The following ARHGAP8 variants were observed in gnomAD, a reference collection of about 807,000 sequenced individuals.
ARHGAP8 encodes rho GTPase-activating protein 8.
ARHGAP8 carries 62 observed loss-of-function variants against 46.1 expected under a neutral mutation model. The observed-to-expected ratio is 1.34, with a 90% CI of 1.10 to 1.66. The LOEUF is 1.66. Ranked by LOEUF, ARHGAP8 falls within the 40% of genes most tolerant of loss-of-function variation. ARHGAP8 has a pLI of 0.00. For missense variants in ARHGAP8, 923 were observed against 568.4 expected, an observed-to-expected ratio of 1.62 and a Z score of -6.34; for synonymous variants, 375 against 243.1, an observed-to-expected ratio of 1.54 and a Z score of -5.05.
At chr22:44,780,494 C>A (rs578172339) in intron 1 of ARHGAP8, among the ~76,000 whole-genome samples, 35 of 152,236 alleles carry the variant, frequency 2.3e-4, no homozygotes, top group African/African-American at 7.5e-4. Context: ...AAACCCATAT[C>A]TATTAAAAAC....
At chr22:44,763,658 G>A (rs966216017) in intron 1 of ARHGAP8, among the ~76,000 whole-genome samples, 1 of 152,052 alleles carries the variant, frequency 6.6e-6, no homozygotes, top group African/African-American at 2.4e-5. Flanking sequence ...TGTAGATCAG[G>A]GTATTGAAAT....
chr22:44,818,915 A>G (rs1167678698), intron 5 of ARHGAP8, among the ~76,000 whole-genome samples: 2 of 152,020 alleles, frequency 1.3e-5, no homozygotes, highest in Non-Finnish European at 2.9e-5. Context: ...CCCAGGCTGG[A>G]CTGGAACTCC....
At chr22:44,860,861 G>T (rs899741687) in intron 11 of ARHGAP8, among the ~76,000 whole-genome samples, 1 of 152,242 alleles carries the variant, frequency 6.6e-6, no homozygotes, top group Admixed American at 6.5e-5. Context: ...GCCCCAGGCT[G>T]TGCAGGGTGA....
chr22:44,825,336 T>A (rs1014061902), intron 6 of ARHGAP8, 147 bp from the exon 7 acceptor site: 1 of 709,310 alleles, frequency 1.4e-6, no homozygotes, highest in African/African-American at 1.8e-5. Context: ...TATGTGAGTG[T>A]GTGTGTGAGC....
intron 1 of ARHGAP8, among the ~76,000 whole-genome samples, chr22:44,772,953 G>T (rs1926150246): frequency 6.6e-6 from 1 of 151,828 alleles, no homozygotes; most frequent in Non-Finnish European, 1.5e-5. Flanking sequence ...CAAGTAGCTG[G>T]AACTACAAGT....
intron 7 of ARHGAP8, among the ~76,000 whole-genome samples, chr22:44,836,380 A>G (rs1931288627): frequency 6.6e-6 from 1 of 151,838 alleles, no homozygotes; most frequent in Non-Finnish European, 1.5e-5. Flanking sequence ...GAACCCAGGT[A>G]TAATGAGGAC....
intron 7 of ARHGAP8, among the ~76,000 whole-genome samples, chr22:44,839,510 A>G (rs2147148338): frequency 6.6e-6 from 1 of 152,324 alleles, no homozygotes; most frequent in Non-Finnish European, 1.5e-5. Flanking sequence ...AAATCATCTG[A>G]CATAGAGACG....
In ARHGAP8 at chr22:44,859,836, TGAGTGGGG is replaced by T; in HGVS notation, c.981+3_981+10del. ...TACCTCATGGGCTTCCTGCATGCGG[TGAGTGGGG>T]AAGGGGGGAGCTTGGGGTGAAGCCC... is the stretch of plus-strand genomic sequence containing the variant. On this transcript the variant is annotated splice_donor_5th_base_variant and intron_variant, in intron 11 of 11. Transcript: ENST00000356099. 1 of 1,613,256 alleles carries T rather than the reference TGAGTGGGG, an allele frequency of 6.2e-7. No homozygotes were observed. The highest frequency in any genetic ancestry group is 8.5e-7 in the Non-Finnish European group (1 of 1,179,668).
At chr22:44,771,692 T>C (rs1926018422) in intron 1 of ARHGAP8, among the ~76,000 whole-genome samples, 1 of 150,360 alleles carries the variant, frequency 6.7e-6, no homozygotes, top group South Asian at 2.1e-4. Flanking sequence ...GTAGCTGGGA[T>C]TACAGGCACC....
intron 2 of ARHGAP8, among the ~76,000 whole-genome samples, chr22:44,799,583 G>A (rs558955017): frequency 1.3e-4 from 20 of 152,228 alleles, no homozygotes; most frequent in African/African-American, 3.6e-4. Context: ...AGGGATCTCC[G>A]TGTTCCCCAC....
intron 4 of ARHGAP8, among the ~76,000 whole-genome samples, chr22:44,812,955 G>A (rs778069988): frequency 6.6e-6 from 1 of 152,102 alleles, no homozygotes; most frequent in Non-Finnish European, 1.5e-5. Context: ...ATTTGCCCAT[G>A]TGGGTGCCGT....
At position 44,798,725 on chromosome 22, in the gene ARHGAP8, C is replaced by G. The variant is rs373959466; in HGVS notation, c.80-3352C>G. Among the ~76,000 whole-genome samples the G allele has an allele frequency of 8.5e-5, 13 of 152,150 alleles. No homozygotes were observed. In the South Asian group the frequency reaches 2.3e-3, roughly 27 times the overall value. ...CTTGTCCAGGGCAGCCCCCACCGTG[C>G]GTGACTGCTGGACACCTGAAATGTG... On this transcript the variant is annotated intron_variant, in intron 2 of 11. Coordinates refer to ENST00000356099, the MANE Select transcript of ARHGAP8 (RefSeq NM_181335.3).
intron 3 of ARHGAP8, 140 bp from the exon 4 acceptor site, chr22:44,808,167 G>T: frequency 7.6e-7 from 1 of 1,313,880 alleles, no homozygotes; most frequent in East Asian, 2.5e-5. Context: ...TGAGGACCGG[G>T]GCCCACGGTG....
intron 7 of ARHGAP8, among the ~76,000 whole-genome samples, chr22:44,834,591 T>C (rs1931162142): frequency 6.6e-6 from 1 of 152,172 alleles, no homozygotes; most frequent in Non-Finnish European, 1.5e-5. Flanking sequence ...TATTGTTGGG[T>C]GGAGTGCTCT....
rs1223857467 is a variant in ARHGAP8, at chr22:44,827,336, G to GGTTTT, written c.596+1743_596+1744insGTTTT. Among the ~76,000 whole-genome samples the GGTTTT allele has an allele frequency of 1.5e-3, 103 of 67,262 alleles. 9 individuals are homozygous for GGTTTT. Among genetic ancestry groups the GGTTTT allele is most frequent in the African/African-American group, 5.9e-3 (101 of 17,068 alleles). 44.1% of individuals were successfully genotyped at this position (67,262 alleles called of 152,430 possible). Reference sequence around the variant, plus strand: ...GGTGAGATAATACATTTGGGTGGTGGTTTTTTTTTTTTTTTTTTTTTTTTT... The same window carrying GGTTTT: ...GGTGAGATAATACATTTGGGTGGTGGGTTTTTTTTTTTTTTTTTTTTTTTTTTTTT... On this transcript the variant is annotated intron_variant, in intron 7 of 11. Coordinates refer to ENST00000356099, the MANE Select transcript of ARHGAP8 (RefSeq NM_181335.3).
chr22:44,831,160 C>A (rs547557533), intron 7 of ARHGAP8, among the ~76,000 whole-genome samples: 2 of 152,190 alleles, frequency 1.3e-5, no homozygotes, highest in Admixed American at 6.5e-5. Flanking sequence ...ATAAAAGTTA[C>A]ATTTTGATGA....
At chr22:44,826,331 G>T (rs149407754) in intron 7 of ARHGAP8, among the ~76,000 whole-genome samples, 1 of 152,174 alleles carries the variant, frequency 6.6e-6, no homozygotes, top group Non-Finnish European at 1.5e-5. Context: ...CATTGTTACC[G>T]CAGCGTAACC....
At chr22:44,813,654 CACACCTAAAT>C (rs1929521127) in intron 4 of ARHGAP8, among the ~76,000 whole-genome samples, 1 of 151,602 alleles carries the variant, frequency 6.6e-6, no homozygotes, top group Admixed American at 6.6e-5. Flanking sequence ...CACACACCCA[CACACCTAAAT>C]ACACCTACAC....
chr22:44,858,369 G>GGT (rs1555922583), intron 10 of ARHGAP8, among the ~76,000 whole-genome samples: 2 of 142,018 alleles, frequency 1.4e-5, no homozygotes, highest in African/African-American at 5.3e-5. Flanking sequence ...GTTGGTGGTG[G>GGT]TTTTTTTTTT....
Sources: allele counts gnomAD v4.1 joint callset (sites outside exome capture counted in the v4.1 genomes callset), GRCh38; gene constraint gnomAD v4.1.1; transcripts MANE v1.5; gene names NCBI Gene and HGNC (gene_info 2026-07-23, HGNC 2026-07-21).